The following PCDHA6 variants were observed in gnomAD, a reference collection of about 807,000 sequenced individuals.
The protein encoded by PCDHA6 is protocadherin alpha-6.
Under a neutral mutation model 60.3 loss-of-function variants are expected in PCDHA6, and 55 were observed. The ratio of observed to expected loss-of-function variants is 0.91; its 90% CI spans 0.73 to 1.14. PCDHA6 has a LOEUF of 1.14. PCDHA6 is among the 50% of genes most tolerant of loss of function. The pLI is 0.00. For synonymous variants in PCDHA6, 652 were observed against 557.9 expected, an observed-to-expected ratio of 1.17 and a Z score of -2.38; for missense variants, 1,327 against 1,256.5, an observed-to-expected ratio of 1.06 and a Z score of -0.85.
At chr5:140,842,042 A>G (rs2150327853) in intron 1 of PCDHA6, 8 of 1,613,906 alleles carry the variant, frequency 5.0e-6, no homozygotes, top group East Asian at 2.2e-5. Flanking sequence ...TAATGCTCCC[A>G]CTTTCGAACA....
chr5:140,966,613 A>T, intron 1 of PCDHA6: 1 of 756,596 alleles, frequency 1.3e-6, no homozygotes, highest in Non-Finnish European at 1.9e-6. Flanking sequence ...GGGAGGGCCT[A>T]CGGAGGGAGC....
intron 1 of PCDHA6, chr5:140,867,381 A>C (rs2049925984): frequency 6.6e-6 from 1 of 152,184 alleles, no homozygotes; most frequent in African/African-American, 2.4e-5. Context: ...AATGGAATTA[A>C]CGGTTATAAA....
chr5:140,879,836 G>A, intron 1 of PCDHA6, among the ~76,000 whole-genome samples: 1 of 152,186 alleles, frequency 6.6e-6, no homozygotes, highest in Non-Finnish European at 1.5e-5. Flanking sequence ...GCTTGTGGCT[G>A]TACCACTCCC....
chr5:140,849,825 G>A, intron 1 of PCDHA6: 1 of 1,598,526 alleles, frequency 6.3e-7, no homozygotes, highest in Non-Finnish European at 8.6e-7. Context: ...GGTGTCTGTG[G>A]AGGTGGCCGA....
Position 140,927,758 on chromosome 5 carries a change from A to C in PCDHA6, c.2395-51191A>C, listed in dbSNP as rs781942462. 3 of 1,614,170 alleles carry C rather than the reference A, an allele frequency of 1.9e-6. No individual in the cohort carries two copies. In the South Asian group the frequency reaches 3.3e-5, roughly 18 times the overall value. Reference sequence around the variant, plus strand: ...CGACACCGCTTTCACGTGCACCCTAAAAGTGGGGAGGTGCAAGTAGCTGCT... The same window carrying C: ...CGACACCGCTTTCACGTGCACCCTACAAGTGGGGAGGTGCAAGTAGCTGCT... On this transcript the variant is annotated intron_variant, in intron 1 of 3. Transcript: ENST00000529310.
chr5:141,007,158 A>C (rs1231758700), intron 3 of PCDHA6, among the ~76,000 whole-genome samples: 1 of 152,198 alleles, frequency 6.6e-6, no homozygotes, highest in African/African-American at 2.4e-5. Context: ...CTGTCAAAGA[A>C]CAGTCAGAGA....
At chr5:140,947,302 C>G (rs1390442873) in intron 1 of PCDHA6, among the ~76,000 whole-genome samples, 2 of 151,504 alleles carry the variant, frequency 1.3e-5, no homozygotes, top group Non-Finnish European at 3.0e-5. Flanking sequence ...ATCTTGACAT[C>G]TTTGTAAAAA....
chr5:140,830,309 G>C lies in PCDHA6; in HGVS notation c.2218G>C (p.Val740Leu), dbSNP rs2150184814. Residue 740 changes from valine to leucine, a missense_variant, in exon 1 of 4, where the codon GTG (valine) becomes CTG (leucine). Val to Leu is a conservative substitution (Grantham distance 32, BLOSUM62 1). Coordinates refer to ENST00000529310, the MANE Select transcript of PCDHA6 (RefSeq NM_018909.4). ...GACTADKPTL[V>L]CSSAVGSWSY... ...GTGCACGGCGGACAAGCCCACGCTG[G>C]TGTGCTCCAGCGCAGTGGGGAGCTG... The C allele has an allele frequency of 6.2e-7, 1 of 1,613,974 alleles. No homozygotes were observed.
At chr5:140,947,524 A>G (rs894259499) in intron 1 of PCDHA6, among the ~76,000 whole-genome samples, 1 of 151,796 alleles carries the variant, frequency 6.6e-6, no homozygotes, top group Admixed American at 6.6e-5. Flanking sequence ...TTTAGAATCA[A>G]CTTTTCAATT....
chr5:140,835,862 G>C (rs1275632045), intron 1 of PCDHA6: 3 of 1,611,998 alleles, frequency 1.9e-6, no homozygotes, highest in East Asian at 4.5e-5. Context: ...TGTCCTACTC[G>C]CTGGTGGAGC....
intron 1 of PCDHA6, among the ~76,000 whole-genome samples, chr5:140,838,108 GT>G (rs1775540163): frequency 6.7e-6 from 1 of 149,734 alleles, no homozygotes; most frequent in Admixed American, 6.7e-5. Flanking sequence ...GTGTGTGTGT[GT>G]GTGTGTGTGT....
rs1219590569 is a variant in PCDHA6, at chr5:140,835,123, A to G, written c.2394+4638A>G. 4 of 1,326,346 alleles carry G rather than the reference A, an allele frequency of 3.0e-6. No homozygotes were observed. In the African/African-American group the frequency reaches 4.8e-5, roughly 16 times the overall value. The allele number at this position is 1,326,346 out of a possible 1,614,324, so 82.2% of individuals were successfully genotyped here. ...GCCCCAGTGTTCGACAGAACCCTGT[A>G]TACGGTGAAATTACCAGAAAACGTT... is the stretch of plus-strand genomic sequence containing the variant. On this transcript the variant is annotated intron_variant, in intron 1 of 3. Coordinates refer to ENST00000529310, the MANE Select transcript of PCDHA6 (RefSeq NM_018909.4).
intron 1 of PCDHA6, chr5:140,843,463 G>A: frequency 1.9e-6 from 3 of 1,596,032 alleles, no homozygotes; most frequent in Non-Finnish European, 2.6e-6. Flanking sequence ...TGGTGCTCAC[G>A]CTGCTGCTGT....
chr5:140,887,317 C>T lies in PCDHA6; in HGVS notation c.2394+56832C>T, dbSNP rs10066665. ...TTCATCTTGTTAGCCAGGATAGTCT[C>T]GAACTCCTGACCTCGTGATCCACCT... On this transcript the variant is annotated intron_variant, in intron 1 of 3. Transcript: ENST00000529310. Among the ~76,000 whole-genome samples the T allele has an allele frequency of 7.3e-3, 1,116 of 152,162 alleles. 15 individuals carry two copies. The highest frequency in any genetic ancestry group is 0.025 in the African/African-American group (1,043 of 41,520).
chr5:140,829,374 G>T lies in PCDHA6; in HGVS notation c.1283G>T (p.Arg428Leu). The T allele has an allele frequency of 6.2e-7, 1 of 1,614,224 alleles. No individual in the cohort carries two copies. Among genetic ancestry groups the T allele is most frequent in the East Asian group, 2.2e-5 (1 of 44,884 alleles). The stretch of plus-strand genomic sequence containing the variant: ...GCCTATGAGTTGGTGGTAACCGCGC[G>T]GGACGGGGGCTCGCCTTCGCTGTGG... ...VSAYELVVTARDGGSPSLWAT... is the reference protein window; with the variant it reads ...VSAYELVVTALDGGSPSLWAT... The change falls in exon 1 of 4, where the codon CGG becomes CTG. Residue 428 changes from arginine to leucine, a missense_variant. Coordinates refer to ENST00000529310, the MANE Select transcript of PCDHA6 (RefSeq NM_018909.4).
chr5:140,850,271 G>A, intron 1 of PCDHA6: 2 of 1,595,372 alleles, frequency 1.3e-6, no homozygotes, highest in Non-Finnish European at 1.7e-6. Context: ...TAGTGGTGGG[G>A]AAGGTGCGCG....
At chr5:140,899,228 T>G (rs1194169721) in intron 1 of PCDHA6, among the ~76,000 whole-genome samples, 1 of 152,126 alleles carries the variant, frequency 6.6e-6, no homozygotes, top group Non-Finnish European at 1.5e-5. Context: ...CAACACTATG[T>G]TGAATAGGAG....
At position 140,836,017 on chromosome 5, in the gene PCDHA6, T is replaced by C. The variant is rs1201962731; in HGVS notation, c.2394+5532T>C. Reference sequence around the variant, plus strand: ...GCGCGCGATGCGGGCGTGCCGCCTCTGGGCAGCAACGTGACGCTGCAGGTG... The same window carrying C: ...GCGCGCGATGCGGGCGTGCCGCCTCCGGGCAGCAACGTGACGCTGCAGGTG... On this transcript the variant is annotated intron_variant, in intron 1 of 3. Transcript: ENST00000529310. The C allele has an allele frequency of 5.6e-6, 9 of 1,613,360 alleles. No individual in the cohort carries two copies. In the African/African-American group the frequency reaches 1.1e-4, roughly 19 times the overall value.
intron 1 of PCDHA6, among the ~76,000 whole-genome samples, chr5:140,916,666 A>G (rs782065585): frequency 2.0e-5 from 3 of 152,176 alleles, no homozygotes; most frequent in Non-Finnish European, 2.9e-5. Flanking sequence ...AAGATGCAAG[A>G]CAAAGTCCTC....
Sources: allele counts gnomAD v4.1 joint callset (sites outside exome capture counted in the v4.1 genomes callset), GRCh38; gene constraint gnomAD v4.1.1; transcripts MANE v1.5; gene names NCBI Gene and HGNC (gene_info 2026-07-23, HGNC 2026-07-21).